RTF2: variants seen among roughly 807,000 people sequenced by gnomAD.
RTF2 encodes the protein replication termination factor 2, also known as UPF0549 protein C20orf43.
A neutral mutation model predicts 38.0 loss-of-function variants in RTF2; 18 were observed. The observed-to-expected ratio is 0.47, with a 90% CI of 0.33 to 0.70. The LOEUF is 0.70. Among genes scored for constraint, RTF2 ranks in the 30% least tolerant of loss-of-function variants. RTF2 has a pLI of 0.02. For synonymous variants in RTF2, 126 were observed against 137.1 expected (o/e 0.92, Z 0.57); for missense variants, 311 against 379.6 (o/e 0.82, Z 1.50).
chr20:56,491,889 C>CT lies in RTF2; in HGVS notation c.477+7702dup, dbSNP rs148115071. On this transcript the variant is annotated intron_variant, in intron 5 of 8. Coordinates refer to ENST00000357348, the MANE Select transcript of RTF2 (RefSeq NM_016407.5). The stretch of plus-strand genomic sequence containing the variant: ...GTCCGGTGTCAGTGGTGAGCCTCAG[C>CT]TTCACCAGAGTTCACATCAAACAGC... 1,354 of 761,088 alleles carry CT rather than the reference C, an allele frequency of 1.8e-3. 12 individuals carry two copies. The African/African-American group carries it at 0.018, about 10-fold the overall frequency. The allele number at this position is 761,088 out of a possible 1,614,324, so 47.1% of individuals were successfully genotyped here.
chr20:56,506,584 G>A (rs991574783), intron 5 of RTF2, among the ~76,000 whole-genome samples: 5 of 152,180 alleles, frequency 3.3e-5, no homozygotes, highest in Non-Finnish European at 5.9e-5. Context: ...AAAGCATCCA[G>A]AGGGCATATG....
At chr20:56,480,956 A>G (rs955856016) in intron 4 of RTF2, among the ~76,000 whole-genome samples, 3 of 152,260 alleles carry the variant, frequency 2.0e-5, no homozygotes, top group African/African-American at 7.2e-5. Flanking sequence ...GAGAATTACC[A>G]AAATGTGACA....
At chr20:56,495,093 G>A in intron 5 of RTF2, 2 of 767,730 alleles carry the variant, frequency 2.6e-6, no homozygotes. Context: ...ACTAATTCCA[G>A]ATTACTTTAA....
chr20:56,474,046 G>A (rs1982108618), intron 2 of RTF2, among the ~76,000 whole-genome samples: 1 of 152,076 alleles, frequency 6.6e-6, no homozygotes, highest in African/African-American at 2.4e-5. Flanking sequence ...AATGGTGTTG[G>A]CCTAGTGATT....
intron 5 of RTF2, chr20:56,496,723 T>C: frequency 6.4e-7 from 1 of 1,552,048 alleles, no homozygotes; most frequent in Admixed American, 2.0e-5. Flanking sequence ...TTTGCATGGA[T>C]GTCAGTCAGT....
At chr20:56,501,999 G>A (rs1488142919) in intron 5 of RTF2, among the ~76,000 whole-genome samples, 1 of 152,156 alleles carries the variant, frequency 6.6e-6, no homozygotes, top group Non-Finnish European at 1.5e-5. Context: ...CTCCATATCT[G>A]CAGCCTTTGA....
chr20:56,477,674 C>T (rs1176101137), intron 4 of RTF2, among the ~76,000 whole-genome samples: 4 of 151,948 alleles, frequency 2.6e-5, no homozygotes, highest in East Asian at 1.9e-4. Flanking sequence ...TAAGCCACCA[C>T]GCCCGGCCAC....
intron 6 of RTF2, chr20:56,516,620 T>C: frequency 2.3e-6 from 1 of 435,014 alleles, no homozygotes; most frequent in Non-Finnish European, 4.1e-6. Flanking sequence ...ACCATCAACA[T>C]TGGCCCTTAT....
Position 56,509,693 on chromosome 20 carries a change from A to G in RTF2, c.478-3622A>G, listed in dbSNP as rs748320313. Among the ~76,000 whole-genome samples, 4 of 152,214 alleles carry G rather than the reference A, an allele frequency of 2.6e-5. No individual in the cohort carries two copies. In the East Asian group the frequency reaches 5.8e-4, roughly 22 times the overall value. ...AGAATCCTCAGGCATTGCTGGTGGCAATGTAAAATGGTGCAGCCTCTTTGG... is the reference window on the plus strand; with the variant it reads ...AGAATCCTCAGGCATTGCTGGTGGCGATGTAAAATGGTGCAGCCTCTTTGG... On this transcript the variant is annotated intron_variant, in intron 5 of 8. Transcript: ENST00000357348.
At chr20:56,496,848 T>G in intron 5 of RTF2, 1 of 1,551,836 alleles carries the variant, frequency 6.4e-7, no homozygotes, top group Non-Finnish European at 8.7e-7. Context: ...GATACTTCCT[T>G]TAGGAACGAA....
intron 5 of RTF2, among the ~76,000 whole-genome samples, chr20:56,501,589 A>C (rs1983931011): frequency 6.6e-6 from 1 of 152,178 alleles, no homozygotes; most frequent in African/African-American, 2.4e-5. Flanking sequence ...ACCTATTTTT[A>C]ACATTCCAGT....
intron 2 of RTF2, among the ~76,000 whole-genome samples, 174 bp from the exon 3 acceptor site, chr20:56,474,504 C>T (rs1385123524): frequency 3.3e-5 from 5 of 152,080 alleles, no homozygotes; most frequent in African/African-American, 9.7e-5. Context: ...AAATAATTTC[C>T]TTCTTTGTAT....
At chr20:56,510,110 T>C (rs6014755) in intron 5 of RTF2, among the ~76,000 whole-genome samples, 125,304 of 152,150 alleles carry the variant, frequency 0.82, 51,802 homozygotes, top group East Asian at 0.99. Flanking sequence ...ATGGAGTGAG[T>C]GCCAGTGGGT....
chr20:56,504,444 C>T lies in RTF2; in HGVS notation c.478-8871C>T, dbSNP rs539104470. 3.9e-5 allele frequency: 6 copies of T among 152,320 alleles called. No homozygotes were observed. The East Asian group carries it at 1.2e-3, about 29-fold the overall frequency. 9.4% of individuals were successfully genotyped at this position (152,320 alleles called of 1,614,324 possible). ...AATACAGGAGGCATGATTTAGTTAT[C>T]AGACCCTCTCTCATTAAGGAGATAA... is the stretch of plus-strand genomic sequence containing the variant. On this transcript the variant is annotated intron_variant, in intron 5 of 8. Coordinates refer to ENST00000357348, the MANE Select transcript of RTF2 (RefSeq NM_016407.5).
At chr20:56,492,993 T>A (rs1983266343) in intron 5 of RTF2, among the ~76,000 whole-genome samples, 1 of 151,946 alleles carries the variant, frequency 6.6e-6, no homozygotes, top group African/African-American at 2.4e-5. Context: ...CTGGCCAACA[T>A]GGTGACACCT....
intron 6 of RTF2, 70 bp from the exon 7 acceptor site, chr20:56,516,865 G>A: frequency 1.4e-6 from 2 of 1,432,854 alleles, no homozygotes; most frequent in Non-Finnish European, 2.0e-6. Flanking sequence ...CCGGGACAAT[G>A]GGCAGCCACA....
chr20:56,478,320 C>T (rs1982361020), intron 4 of RTF2, among the ~76,000 whole-genome samples: 2 of 152,088 alleles, frequency 1.3e-5, no homozygotes, highest in Admixed American at 1.3e-4. Flanking sequence ...GAGACCCTGT[C>T]TTTACGAAAC....
chr20:56,507,762 C>T (rs372894068), intron 5 of RTF2, among the ~76,000 whole-genome samples: 5 of 152,248 alleles, frequency 3.3e-5, no homozygotes, highest in East Asian at 3.9e-4. Flanking sequence ...TCCTCCCCAC[C>T]CCTGGGCCCT....
chr20:56,484,804 T>C (rs1982703591), intron 5 of RTF2, among the ~76,000 whole-genome samples: 1 of 152,164 alleles, frequency 6.6e-6, no homozygotes, highest in Admixed American at 6.5e-5. Context: ...GAAGCCAGAA[T>C]GTGTGTGTGT....
Sources: gnomAD v4.1 joint callset for allele counts (sites outside exome capture counted in the v4.1 genomes callset) on GRCh38, gnomAD v4.1.1 for gene constraint, MANE v1.5 for transcripts, NCBI Gene and HGNC (gene_info 2026-07-23, HGNC 2026-07-21) for gene names.